Variants in DPYSL5 observed in about 807,000 individuals in gnomAD.
DPYSL5 encodes dihydropyrimidinase-related protein 5.
A neutral mutation model predicts 58.4 loss-of-function variants in DPYSL5; 9 were observed. The ratio of observed to expected loss-of-function variants is 0.15; its 90% confidence interval spans 0.09 to 0.27. DPYSL5 has a LOEUF of 0.27. Ranked by LOEUF, DPYSL5 falls within the 10% of genes least tolerant of loss-of-function variation. The probability of loss-of-function intolerance (pLI) is 1.00; values close to 1 mark genes in which losing one functional copy is unlikely to be tolerated. For synonymous variants in DPYSL5, 293 were observed against 301.9 expected (o/e 0.97, Z 0.31); for missense variants, 499 against 770.6 (o/e 0.65, Z 4.17).
Position 26,928,243 on chromosome 2 carries a change from G to T in DPYSL5, c.601-12G>T, listed in dbSNP as rs1201576035. The T allele has an allele frequency of 6.2e-7, 1 of 1,613,430 alleles. No individual in the cohort carries two copies. The highest frequency in any genetic ancestry group is 8.5e-7 in the Non-Finnish European group (1 of 1,179,722). ...TGATTCTCTCCATTTTCTTTCTCTT[G>T]CTGTTATCCAGGGTGCTAAGGAGGC... On this transcript the variant is annotated splice_polypyrimidine_tract_variant and intron_variant, in intron 4 of 12. Transcript: ENST00000288699.
intron 2 of DPYSL5, among the ~76,000 whole-genome samples, chr2:26,912,008 G>A (rs1410389528): frequency 6.6e-6 from 1 of 152,214 alleles, no homozygotes; most frequent in Non-Finnish European, 1.5e-5. Context: ...ACCCCGAGCT[G>A]GTGCGTGGCA....
In DPYSL5 at chr2:26,925,580, T is replaced by G. The variant is rs912018781; in HGVS notation, c.420+535T>G. Among the ~76,000 whole-genome samples the G allele has an allele frequency of 3.9e-5, 6 of 152,236 alleles. No homozygotes were observed. The highest frequency in any genetic ancestry group is 3.3e-4 in the Admixed American group (5 of 15,288). ...GAGAAGCATCGAGGCTGTCCTGGTC[T>G]GTGACTGAGGCTGGCACCCCCTGAG... is the stretch of plus-strand genomic sequence containing the variant. On this transcript the variant is annotated intron_variant, in intron 3 of 12. Coordinates refer to ENST00000288699, the MANE Select transcript of DPYSL5 (RefSeq NM_020134.4). This position sits in a 1 kb window ranked among gnomAD's most constrained non-coding sequence, Gnocchi z 4.5.
At chr2:26,937,577 G>A (rs914853625) in intron 8 of DPYSL5, among the ~76,000 whole-genome samples, 1 of 151,522 alleles carries the variant, frequency 6.6e-6, no homozygotes, top group Non-Finnish European at 1.5e-5. Flanking sequence ...GTTAGGCCCT[G>A]CAGGAATAAA....
intron 1 of DPYSL5, among the ~76,000 whole-genome samples, chr2:26,859,830 GGAGA>G (rs1362160900): frequency 6.6e-6 from 1 of 152,154 alleles, no homozygotes; most frequent in East Asian, 1.9e-4. Context: ...GCCTGGCAAG[GGAGA>G]GAGAGGTTTA....
At chr2:26,887,447 G>A (rs562370196) in intron 1 of DPYSL5, among the ~76,000 whole-genome samples, 1 of 152,320 alleles carries the variant, frequency 6.6e-6, no homozygotes, top group South Asian at 2.1e-4. Flanking sequence ...CAGGCCCAGG[G>A]GAGCTGGGGA....
chr2:26,894,477 A>T (rs1663964130), intron 1 of DPYSL5, among the ~76,000 whole-genome samples: 2 of 152,122 alleles, frequency 1.3e-5, no homozygotes, highest in Admixed American at 1.3e-4. Context: ...GCATAATAAT[A>T]CCTTCCCCAC....
intron 2 of DPYSL5, among the ~76,000 whole-genome samples, chr2:26,900,496 T>G (rs1431636984): frequency 6.6e-6 from 1 of 152,206 alleles, no homozygotes. Context: ...GCCATTTAGG[T>G]CATTGCTTGT....
intron 2 of DPYSL5, among the ~76,000 whole-genome samples, chr2:26,919,161 A>C (rs1664646694): frequency 6.6e-6 from 1 of 152,222 alleles, no homozygotes; most frequent in Non-Finnish European, 1.5e-5. Context: ...CAAGTATCTG[A>C]AATGTCTTTC....
chr2:26,865,173 G>A (rs536479098), intron 1 of DPYSL5, among the ~76,000 whole-genome samples: 4 of 151,944 alleles, frequency 2.6e-5, no homozygotes, highest in African/African-American at 9.7e-5. Flanking sequence ...AACATCTCTT[G>A]TTCCTTCTTT....
chr2:26,896,718 T>A (rs1300871980), intron 1 of DPYSL5, among the ~76,000 whole-genome samples: 4 of 152,258 alleles, frequency 2.6e-5, no homozygotes, highest in Non-Finnish European at 4.4e-5. Context: ...TGCACATTTT[T>A]AAATTGAGTT....
At chr2:26,917,793 G>A (rs892476822) in intron 2 of DPYSL5, among the ~76,000 whole-genome samples, 4 of 152,132 alleles carry the variant, frequency 2.6e-5, no homozygotes, top group African/African-American at 4.8e-5. Context: ...GAGACTCCTT[G>A]TTTAAAAATT....
intron 2 of DPYSL5, among the ~76,000 whole-genome samples, chr2:26,902,932 G>A (rs1664195206): frequency 1.3e-5 from 2 of 152,014 alleles, no homozygotes; most frequent in South Asian, 4.1e-4. Flanking sequence ...ACCCTAGATG[G>A]TCTAAAAAAA....
chr2:26,940,266 T>C lies in DPYSL5; in HGVS notation c.1089+94T>C. ...CCAATAAGAGTATTCACTCCTCAGA[T>C]CCTGTCAAAGAATGTTCTTAGAAGG... On this transcript the variant is annotated intron_variant, in intron 9 of 12. Coordinates refer to ENST00000288699, the MANE Select transcript of DPYSL5 (RefSeq NM_020134.4). 6 of 1,456,424 alleles carry C rather than the reference T, an allele frequency of 4.1e-6. No individual in the cohort carries two copies. The South Asian group carries it at 4.1e-5, about 10-fold the overall frequency. The allele number at this position is 1,456,424 out of a possible 1,614,324, so 90.2% of individuals were successfully genotyped here. A position where few individuals can be genotyped will look rare whatever the true frequency, so the allele number is the denominator to read the frequency against.
At chr2:26,900,811 T>C (rs1038324867) in intron 2 of DPYSL5, among the ~76,000 whole-genome samples, 4 of 152,218 alleles carry the variant, frequency 2.6e-5, no homozygotes, top group Non-Finnish European at 4.4e-5. Context: ...TCCTAGTTAC[T>C]GTCCCTGTTT....
chr2:26,909,519 AG>A, intron 2 of DPYSL5, among the ~76,000 whole-genome samples: 1 of 152,248 alleles, frequency 6.6e-6, no homozygotes, highest in East Asian at 1.9e-4. Flanking sequence ...GTAATCCCAA[AG>A]CTTTGGGAGG....
rs577644242 is a variant in DPYSL5, at chr2:26,922,494, A to C, written c.262-2393A>C. On this transcript the variant is annotated intron_variant, in intron 2 of 12. Coordinates refer to ENST00000288699, the MANE Select transcript of DPYSL5 (RefSeq NM_020134.4). ...ACTTTTGAGTGTTTAGAGAATCAGC[A>C]CATGATCCTCCTTTTCTCCTCTTGC... is the stretch of plus-strand genomic sequence containing the variant. Among the ~76,000 whole-genome samples the C allele has an allele frequency of 5.3e-5, 8 of 152,356 alleles. No individual in the cohort carries two copies. The South Asian group carries it at 1.5e-3, about 28-fold the overall frequency.
At chr2:26,856,981 T>G (rs1470996020) in intron 1 of DPYSL5, among the ~76,000 whole-genome samples, 4 of 144,986 alleles carry the variant, frequency 2.8e-5, no homozygotes, top group Non-Finnish European at 5.9e-5. Flanking sequence ...TGTCCACAAA[T>G]AACCAATTGA....
Position 26,933,191 on chromosome 2 carries a change from G to C in DPYSL5, c.715-67G>C. The C allele has an allele frequency of 6.7e-7, 1 of 1,486,980 alleles. No homozygotes were observed. The highest frequency in any genetic ancestry group is 2.3e-5 in the East Asian group (1 of 44,174). 92.1% of individuals were successfully genotyped at this position (1,486,980 alleles called of 1,614,324 possible). A position where few individuals can be genotyped will look rare whatever the true frequency, so the allele number is the denominator to read the frequency against. On this transcript the variant is annotated intron_variant, in intron 6 of 12. Coordinates refer to ENST00000288699, the MANE Select transcript of DPYSL5 (RefSeq NM_020134.4). The surrounding 1 kb of genome is among the most constrained non-coding windows in gnomAD (Gnocchi z 4.2). The stretch of plus-strand genomic sequence containing the variant: ...CTGGTGCCAGGGCTGACTTTGCCAG[G>C]GTTATTCTGATGCTTGTGAAGTTTA...
intron 1 of DPYSL5, among the ~76,000 whole-genome samples, chr2:26,879,691 C>G (rs1663507918): frequency 6.6e-6 from 1 of 152,222 alleles, no homozygotes; most frequent in Non-Finnish European, 1.5e-5. Flanking sequence ...GTTCTCTGCT[C>G]TCCTCCACCT....
Sources: allele counts gnomAD v4.1 joint callset (sites outside exome capture counted in the v4.1 genomes callset), GRCh38; gene constraint gnomAD v4.1.1; non-coding constraint Gnocchi (gnomAD v3.1); transcripts MANE v1.5; gene names NCBI Gene and HGNC (gene_info 2026-07-23, HGNC 2026-07-21).